The following IL6 variants were observed in gnomAD, a reference collection of about 807,000 sequenced individuals.
The protein encoded by IL6 is interleukin-6.
IL6 carries 5 observed loss-of-function variants against 18.0 expected under a neutral mutation model. The ratio of observed to expected loss-of-function variants is 0.28; its 90% CI spans 0.15 to 0.58. The LOEUF (loss-of-function observed/expected upper bound fraction) is 0.58. Ranked by LOEUF, IL6 falls within the 20% of genes least tolerant of loss-of-function variation. IL6 has a pLI of 0.90. For synonymous variants in IL6, 97 were observed against 95.1 expected (o/e 1.02, Z -0.12); for missense variants, 266 against 251.0 (o/e 1.06, Z -0.40).
At chr7:22,729,465 G>T in intron 3 of IL6, 49 bp from the exon 4 acceptor site, 6 of 1,569,326 alleles carry the variant, frequency 3.8e-6, no homozygotes, top group South Asian at 1.1e-5. Flanking sequence ...TTTTCAAATT[G>T]ATTCTATCTC....
rs1784093517 is a variant in IL6, at chr7:22,729,883, T to C, written c.471+223T>C. The C allele has an allele frequency of 2.1e-6, 3 of 1,443,900 alleles. No homozygotes were observed. The African/African-American group carries it at 4.3e-5, about 21-fold the overall frequency. 89.4% of individuals were successfully genotyped at this position (1,443,900 alleles called of 1,614,324 possible). ...ACATCAATAACTGTATTTTAAACTATATATTAACTGAGGTGGATTTTAACA... is the reference window on the plus strand; with the variant it reads ...ACATCAATAACTGTATTTTAAACTACATATTAACTGAGGTGGATTTTAACA... On this transcript the variant is annotated intron_variant, in intron 4 of 4. Transcript: ENST00000258743.
At chr7:22,730,242 G>A in intron 4 of IL6, 1 of 985,314 alleles carries the variant, frequency 1.0e-6, no homozygotes, top group South Asian at 4.7e-5. Context: ...AATAAGAAGG[G>A]GCCTAGAATG....
At chr7:22,731,093 G>T (rs546661339) in intron 4 of IL6, among the ~76,000 whole-genome samples, 1 of 152,128 alleles carries the variant, frequency 6.6e-6, no homozygotes, top group African/African-American at 2.4e-5. Flanking sequence ...AAAAAAGTTA[G>T]CCAGGCATGG....
chr7:22,730,525 C>T (rs748114000), intron 4 of IL6, among the ~76,000 whole-genome samples: 3 of 152,116 alleles, frequency 2.0e-5, no homozygotes, highest in Non-Finnish European at 2.9e-5. Flanking sequence ...CCTCTTTACA[C>T]CACCGGATCA....
Position 22,731,547 on chromosome 7 carries a change from A to G in IL6, c.613A>G (p.Ser205Gly), listed in dbSNP as rs1220259825. The G allele has an allele frequency of 6.2e-7, 1 of 1,605,638 alleles. No homozygotes were observed. Among genetic ancestry groups the G allele is most frequent in the Non-Finnish European group, 8.5e-7 (1 of 1,173,680 alleles). ...LRSFKEFLQS[S>G]LRALRQM ...CAGCTTTAAGGAGTTCCTGCAGTCC[A>G]GCCTGAGGGCTCTTCGGCAAATGTA... is the stretch of plus-strand genomic sequence containing the variant. The change falls in exon 5 of 5, where the codon AGC becomes GGC. Residue 205 changes from serine (S) to glycine (G), a missense_variant. Transcript: ENST00000258743.
At chr7:22,729,938 A>C in intron 4 of IL6, 20 of 1,270,132 alleles carry the variant, frequency 1.6e-5, no homozygotes, top group Admixed American at 3.3e-5. Context: ...GAGATTTAAA[A>C]CCAAAGGCGG....
rs34249410 is a variant in IL6, at chr7:22,727,983, T to C, written c.210+349T>C. On this transcript the variant is annotated intron_variant, in intron 2 of 4. Coordinates refer to ENST00000258743, the MANE Select transcript of IL6 (RefSeq NM_000600.5). ...TTGGAAGGACTAGAAAAGTGCCACC[T>C]GAAAGGCATGTTCAGCTTCTCAGAG... Among the ~76,000 whole-genome samples, 27 of 152,342 alleles carry C rather than the reference T, an allele frequency of 1.8e-4. No homozygotes were observed. In the East Asian group the frequency reaches 5.2e-3, roughly 29 times the overall value.
At chr7:22,728,045 C>T (rs2069833) in intron 2 of IL6, among the ~76,000 whole-genome samples, 109,112 of 152,126 alleles carry the variant, frequency 0.72, 41,374 homozygotes, top group East Asian at 1. Flanking sequence ...AACTCAATGG[C>T]TAGGATTCCT....
intron 2 of IL6, chr7:22,728,384 A>G: frequency 3.2e-6 from 1 of 315,584 alleles, no homozygotes; most frequent in Non-Finnish European, 6.0e-6. Flanking sequence ...GTTATTAAGT[A>G]TCTACTGTGT....
intron 3 of IL6, 144 bp from the exon 4 acceptor site, chr7:22,729,370 A>G (rs367722693): frequency 3.7e-5 from 27 of 729,268 alleles, no homozygotes; most frequent in Middle Eastern, 8.0e-4. Flanking sequence ...GTGCTGTCCA[A>G]TGTCCCAAAA....
rs760361679 is a variant in IL6, at chr7:22,731,588, A to T, written c.*15A>T. The T allele has an allele frequency of 4.5e-6, 7 of 1,564,678 alleles. No individual in the cohort carries two copies. In the East Asian group the frequency reaches 1.6e-4, roughly 36 times the overall value. On this transcript the variant is annotated 3_prime_UTR_variant, in exon 5 of 5. Coordinates refer to ENST00000258743, the MANE Select transcript of IL6 (RefSeq NM_000600.5). ...GGCAAATGTAGCATGGGCACCTCAGATTGTTGTTGTTAATGGGCATTCCTT... is the reference window on the plus strand; with the variant it reads ...GGCAAATGTAGCATGGGCACCTCAGTTTGTTGTTGTTAATGGGCATTCCTT...
At chr7:22,730,168 G>A (rs1784099784) in intron 4 of IL6, 14 of 985,410 alleles carry the variant, frequency 1.4e-5, no homozygotes, top group Non-Finnish European at 1.7e-5. Flanking sequence ...TTGGCCACCA[G>A]TAGCTGGCTA....
chr7:22,728,649 T>C (rs763669230), intron 2 of IL6, 44 bp from the exon 3 acceptor site: 2 of 1,132,946 alleles, frequency 1.8e-6, no homozygotes, highest in Admixed American at 1.7e-5. Flanking sequence ...TGGTGTTTGT[T>C]TTAGGGACAC....
Position 22,731,517 on chromosome 7 carries a change from C to A in IL6, c.583C>A (p.Leu195Met). The A allele has an allele frequency of 6.2e-7, 1 of 1,611,218 alleles. No homozygotes were observed. Among genetic ancestry groups the A allele is most frequent in the South Asian group, 1.1e-5 (1 of 90,718 alleles). The change falls in exon 5 of 5, where the codon CTG (leucine) becomes ATG (methionine). Residue 195 changes from leucine to methionine, a missense_variant. Physicochemically the swap from Leu to Met is conservative, Grantham distance 15 (BLOSUM62 2). Coordinates refer to ENST00000258743, the MANE Select transcript of IL6 (RefSeq NM_000600.5). ...GCAGGACATGACAACTCATCTCATT[C>A]TGCGCAGCTTTAAGGAGTTCCTGCA... ...WLQDMTTHLI[L>M]RSFKEFLQSS...
Position 22,729,946 on chromosome 7 carries a change from C to T in IL6, c.471+286C>T, listed in dbSNP as rs979617630. 26 of 1,341,696 alleles carry T rather than the reference C, an allele frequency of 1.9e-5. No individual in the cohort carries two copies. In the African/African-American group the frequency reaches 2.9e-4, roughly 15 times the overall value. The allele number at this position is 1,341,696 out of a possible 1,614,324, so 83.1% of individuals were successfully genotyped here. ...AGTGCAAGAGATTTAAAACCAAAGG[C>T]GGGGGGGCGGGCAGAAAAAAGTGCA... On this transcript the variant is annotated intron_variant, in intron 4 of 4. Coordinates refer to ENST00000258743, the MANE Select transcript of IL6 (RefSeq NM_000600.5).
In IL6 at chr7:22,729,026, A is replaced by C. The variant is rs140890370; in HGVS notation, c.324+220A>C. 4.1e-4 allele frequency among the ~76,000 whole-genome samples: 63 copies of C among 152,326 alleles called. 1 individual carries two copies. In the East Asian group the frequency reaches 0.01, roughly 25 times the overall value. Reference sequence around the variant, plus strand: ...GATGGTGCCACTGTGGTGAGATTTTAACAACTGTCAAATGTTTAAAACTCC... The same window carrying C: ...GATGGTGCCACTGTGGTGAGATTTTCACAACTGTCAAATGTTTAAAACTCC... On this transcript the variant is annotated intron_variant, in intron 3 of 4. Transcript: ENST00000258743.
At position 22,731,483 on chromosome 7, in the gene IL6, C is replaced by A. The variant is rs199857749; in HGVS notation, c.549C>A (p.Asn183Lys). ...ASLLTKLQAQ[N>K]QWLQDMTTHL... Reference sequence around the variant, plus strand: ...TGCTGACGAAGCTGCAGGCACAGAACCAGTGGCTGCAGGACATGACAACTC... The same window carrying A: ...TGCTGACGAAGCTGCAGGCACAGAAACAGTGGCTGCAGGACATGACAACTC... Residue 183 changes from asparagine (N) to lysine (K), a missense_variant, in exon 5 of 5, where the codon AAC becomes AAA. Coordinates refer to ENST00000258743, the MANE Select transcript of IL6 (RefSeq NM_000600.5). The A allele has an allele frequency of 1.6e-5, 26 of 1,608,786 alleles. No individual in the cohort carries two copies. The highest frequency in any genetic ancestry group is 2.7e-5 in the African/African-American group (2 of 74,872).
Position 22,729,898 on chromosome 7 carries a change from G to A in IL6, c.471+238G>A, listed in dbSNP as rs147239250. On this transcript the variant is annotated intron_variant, in intron 4 of 4. Coordinates refer to ENST00000258743, the MANE Select transcript of IL6 (RefSeq NM_000600.5). The stretch of plus-strand genomic sequence containing the variant: ...TTTTAAACTATATATTAACTGAGGT[G>A]GATTTTAACATCAATTTTTAATAGT... 268 of 1,399,222 alleles carry A rather than the reference G, an allele frequency of 1.9e-4. 2 individuals are homozygous for A. The African/African-American group carries it at 3.7e-3, about 19-fold the overall frequency. 86.7% of individuals were successfully genotyped at this position (1,399,222 alleles called of 1,614,324 possible). A position where few individuals can be genotyped will look rare whatever the true frequency, so the allele number is the denominator to read the frequency against.
chr7:22,727,672 C>T (rs772090799), intron 2 of IL6, 38 bp downstream of exon 2: 5 of 1,521,922 alleles, frequency 3.3e-6, no homozygotes, highest in East Asian at 2.3e-5. Flanking sequence ...GGGCCCGGTG[C>T]GCATGCGTTC....
Sources: gnomAD v4.1 joint callset for allele counts (sites outside exome capture counted in the v4.1 genomes callset) on GRCh38, gnomAD v4.1.1 for gene constraint, MANE v1.5 for transcripts, NCBI Gene and HGNC (gene_info 2026-07-23, HGNC 2026-07-21) for gene names.